Variants in GFRA2 observed in about 807,000 individuals in gnomAD.
GFRA2 encodes GDNF family receptor alpha 2.
In GFRA2, 17 loss-of-function variants were observed where a neutral mutation model predicts 48.3. The ratio of observed to expected loss-of-function variants is 0.35; its 90% confidence interval spans 0.24 to 0.53. The LOEUF (loss-of-function observed/expected upper bound fraction) is 0.53. Ranked by LOEUF, GFRA2 falls within the 20% of genes least tolerant of loss-of-function variation. The pLI is 0.93. For missense variants in GFRA2, 660 were observed against 637.3 expected (o/e 1.04, Z -0.38); for synonymous variants, 305 against 257.2 (o/e 1.19, Z -1.78).
chr8:21,758,205 CCACACA>C (rs68120271), intron 3 of GFRA2, among the ~76,000 whole-genome samples: 3 of 89,168 alleles, frequency 3.4e-5, no homozygotes, highest in Non-Finnish European at 6.5e-5. Flanking sequence ...GGCCCACTCC[CCACACA>C]CACACACACA....
chr8:21,752,311 A>T (rs1025020498), intron 3 of GFRA2, among the ~76,000 whole-genome samples: 1 of 152,002 alleles, frequency 6.6e-6, no homozygotes, highest in Non-Finnish European at 1.5e-5. Context: ...ATTCTCTCTT[A>T]GACCTGCTTC....
intron 4 of GFRA2, among the ~76,000 whole-genome samples, chr8:21,733,015 G>A (rs1585269586): frequency 6.6e-6 from 1 of 152,192 alleles, no homozygotes; most frequent in Non-Finnish European, 1.5e-5. Flanking sequence ...AGGTTCTTCT[G>A]AGACAGAGTC....
chr8:21,740,102 A>G (rs889261061), intron 4 of GFRA2, among the ~76,000 whole-genome samples: 5 of 152,188 alleles, frequency 3.3e-5, no homozygotes, highest in Non-Finnish European at 7.4e-5. Flanking sequence ...TCCCCACACT[A>G]GAGTCTGTCC....
intron 1 of GFRA2, among the ~76,000 whole-genome samples, chr8:21,786,304 C>A (rs1402294132): frequency 6.6e-6 from 1 of 151,698 alleles, no homozygotes; most frequent in Non-Finnish European, 1.5e-5. Flanking sequence ...CTGCAATGAC[C>A]AGGGGCCCAC....
At chr8:21,739,508 C>T (rs1263624343) in intron 4 of GFRA2, among the ~76,000 whole-genome samples, 1 of 152,216 alleles carries the variant, frequency 6.6e-6, no homozygotes, top group Non-Finnish European at 1.5e-5. Flanking sequence ...TTAAGTAACA[C>T]ATTTAGAGAA....
intron 4 of GFRA2, among the ~76,000 whole-genome samples, chr8:21,726,672 A>G (rs1803886406): frequency 6.6e-6 from 1 of 151,734 alleles, no homozygotes; most frequent in Admixed American, 6.6e-5. Context: ...CTCCTGTCTT[A>G]TAAGGACACT....
intron 1 of GFRA2, among the ~76,000 whole-genome samples, chr8:21,783,376 C>A (rs1807109519): frequency 6.6e-6 from 1 of 152,068 alleles, no homozygotes; most frequent in Admixed American, 6.5e-5. Context: ...GGATGCAGTG[C>A]GAAGTCATTT....
chr8:21,737,311 G>T (rs1430929686), intron 4 of GFRA2, among the ~76,000 whole-genome samples: 1 of 152,018 alleles, frequency 6.6e-6, no homozygotes, highest in Non-Finnish European at 1.5e-5. Context: ...GGAGGTTGCA[G>T]TCAGCCAAGA....
intron 4 of GFRA2, among the ~76,000 whole-genome samples, chr8:21,722,849 G>A (rs1432720634): frequency 1.3e-5 from 2 of 152,204 alleles, no homozygotes; most frequent in Admixed American, 1.3e-4. Context: ...AGAAGCCAAG[G>A]CCTCCCCATG....
intron 4 of GFRA2, among the ~76,000 whole-genome samples, chr8:21,712,977 G>C (rs1049199450): frequency 1.3e-5 from 2 of 151,356 alleles, no homozygotes; most frequent in African/African-American, 4.8e-5. Context: ...GCTTCGGCTC[G>C]GCATCAGAGG....
At chr8:21,762,822 T>G (rs542880529) in intron 3 of GFRA2, among the ~76,000 whole-genome samples, 3 of 151,704 alleles carry the variant, frequency 2.0e-5, no homozygotes, top group East Asian at 1.9e-4. Context: ...ATTTGGGGGG[T>G]TTTTTAATAT....
In GFRA2 at chr8:21,778,269, G is replaced by A. The variant is rs1337320965; in HGVS notation, c.356-3214C>T. ...GGAGACTGCTCAACAGGCCATGGACGCTTACCTCTCAGGTAGACCCCGCCA... is the reference window on the plus strand; with the variant it reads ...GGAGACTGCTCAACAGGCCATGGACACTTACCTCTCAGGTAGACCCCGCCA... On this transcript the variant is annotated intron_variant, in intron 2 of 8. Transcript: ENST00000524240. Among the ~76,000 whole-genome samples the A allele has an allele frequency of 3.3e-5, 5 of 152,098 alleles. No individual in the cohort carries two copies. The East Asian group carries it at 5.8e-4, about 18-fold the overall frequency.
At chr8:21,782,530 T>A in intron 2 of GFRA2, 55 bp downstream of exon 2, 2 of 1,359,522 alleles carry the variant, frequency 1.5e-6, no homozygotes, top group Non-Finnish European at 2.0e-6. Flanking sequence ...CCGCCACACG[T>A]CCTCTCTGCC....
Position 21,788,426 on chromosome 8 carries a change from G to A in GFRA2, c.-267C>T. 1 of 1,242,878 alleles carries A rather than the reference G, an allele frequency of 8.0e-7. No homozygotes were observed. The highest frequency in any genetic ancestry group is 1.0e-6 in the Non-Finnish European group (1 of 992,644). The allele number at this position is 1,242,878 out of a possible 1,614,324, so 77.0% of individuals were successfully genotyped here. On this transcript the variant is annotated 5_prime_UTR_variant, in exon 1 of 9. Coordinates refer to ENST00000524240, the MANE Select transcript of GFRA2 (RefSeq NM_001495.5). ...CAAATATACGCGTATCTGTGTATCGGCTTTCTAAGCCAACAGCCCAGTCCT... is the reference window on the plus strand; with the variant it reads ...CAAATATACGCGTATCTGTGTATCGACTTTCTAAGCCAACAGCCCAGTCCT...
rs1190219653 is a variant in GFRA2, at chr8:21,788,687, A to C, written c.-528T>G. On this transcript the variant is annotated 5_prime_UTR_variant, in exon 1 of 9. Transcript: ENST00000524240. Reference sequence around the variant, plus strand: ...CGGAGCTTCGAGGACGAGAGACTGGAGTCGCTTCTTTCGCACCAAGACGAA... The same window carrying C: ...CGGAGCTTCGAGGACGAGAGACTGGCGTCGCTTCTTTCGCACCAAGACGAA... 12 of 985,596 alleles carry C rather than the reference A, an allele frequency of 1.2e-5. No individual in the cohort carries two copies. The highest frequency in any genetic ancestry group is 1.4e-5 in the Non-Finnish European group (12 of 830,092). The allele number at this position is 985,596 out of a possible 1,614,324, so 61.1% of individuals were successfully genotyped here.
At chr8:21,763,398 G>A (rs1806002353) in intron 3 of GFRA2, among the ~76,000 whole-genome samples, 1 of 152,084 alleles carries the variant, frequency 6.6e-6, no homozygotes, top group Non-Finnish European at 1.5e-5. Flanking sequence ...CCTGGAGGCT[G>A]TCACTCACCA....
intron 4 of GFRA2, among the ~76,000 whole-genome samples, chr8:21,706,705 C>T (rs544614774): frequency 6.6e-6 from 1 of 152,310 alleles, no homozygotes; most frequent in African/African-American, 2.4e-5. Context: ...GACGGTAACA[C>T]GCCGCCACCC....
chr8:21,715,086 C>T (rs897991387), intron 4 of GFRA2, among the ~76,000 whole-genome samples: 6 of 152,334 alleles, frequency 3.9e-5, no homozygotes, highest in East Asian at 1.9e-4. Flanking sequence ...TGCTTTCCCA[C>T]ACCTCCAGGG....
intron 2 of GFRA2, among the ~76,000 whole-genome samples, chr8:21,776,037 G>GTGTGTGTGTGTTGTGTGTGTA (rs549952048): frequency 6.4e-5 from 9 of 139,790 alleles, no homozygotes; most frequent in African/African-American, 2.4e-4. Context: ...GTGTGTGTGT[G>GTGTGTGTGTGTTGTGTGTGTA]TGTAGTGAAA....
Sources: allele counts gnomAD v4.1 joint callset (sites outside exome capture counted in the v4.1 genomes callset), GRCh38; gene constraint gnomAD v4.1.1; transcripts MANE v1.5; gene names NCBI Gene and HGNC (gene_info 2026-07-23, HGNC 2026-07-21).